The following SLC8A1 variants were observed in gnomAD, a reference collection of about 807,000 sequenced individuals.
SLC8A1 encodes the protein solute carrier family 8 member A1, also known as sodium/calcium exchanger 1.
Under a neutral mutation model 68.3 loss-of-function variants are expected in SLC8A1, and 18 were observed. That is an observed-to-expected ratio of 0.26 (90% CI 0.18 to 0.39). The LOEUF (loss-of-function observed/expected upper bound fraction) is 0.39. SLC8A1 is among the 10% of genes least tolerant of loss of function. The pLI, the probability that SLC8A1 is intolerant of heterozygous loss-of-function variation, is 1.00. For synonymous variants in SLC8A1, 475 were observed against 415.5 expected (o/e 1.14, Z -1.74); for missense variants, 985 against 1,156.7 (o/e 0.85, Z 2.15).
At chr2:40,156,206 T>A (rs72792721) in intron 6 of SLC8A1, among the ~76,000 whole-genome samples, 6,107 of 152,262 alleles carry the variant, frequency 0.04, 177 homozygotes, top group Middle Eastern at 0.096. Flanking sequence ...ATAATGGCCA[T>A]CGACAGAGCT....
At chr2:40,426,044 C>A (rs1032356697) in intron 2 of SLC8A1, among the ~76,000 whole-genome samples, 2 of 151,806 alleles carry the variant, frequency 1.3e-5, no homozygotes, top group East Asian at 3.9e-4. Context: ...AGGTTAAGTC[C>A]CAGCCAAACA....
chr2:40,292,392 C>T (rs2069493423), intron 2 of SLC8A1, among the ~76,000 whole-genome samples: 1 of 152,100 alleles, frequency 6.6e-6, no homozygotes, highest in Non-Finnish European at 1.5e-5. Context: ...GCCAAACAAA[C>T]AGGGACTCTC....
In SLC8A1 at chr2:40,140,691, T is replaced by G. The variant is rs528014021; in HGVS notation, c.2162-1015A>C. Among the ~76,000 whole-genome samples the G allele has an allele frequency of 4.8e-4, 73 of 152,380 alleles. 1 individual carries two copies. Among genetic ancestry groups the G allele is most frequent in the African/African-American group, 1.7e-3 (69 of 41,592 alleles). ...CTCTTCTCCAGTTGACTGAGAACCC[T>G]TCCAGGGCAGGAATTCATGCATCTT... On this transcript the variant is annotated intron_variant, in intron 6 of 7. Transcript: ENST00000406785.
At chr2:40,388,269 A>C (rs1684220275) in intron 2 of SLC8A1, among the ~76,000 whole-genome samples, 1 of 152,178 alleles carries the variant, frequency 6.6e-6, no homozygotes, top group African/African-American at 2.4e-5. Flanking sequence ...CCATTTGGAA[A>C]TGTTTTATGG....
chr2:40,164,166 C>CAGAGGGAG (rs2046157497), intron 5 of SLC8A1, among the ~76,000 whole-genome samples: 1 of 151,916 alleles, frequency 6.6e-6, no homozygotes, highest in Non-Finnish European at 1.5e-5. Flanking sequence ...TGGGAGGGGA[C>CAGAGGGAG]AGAGGGAGCA....
At chr2:40,439,118 G>A (rs1179711541) in intron 1 of SLC8A1, among the ~76,000 whole-genome samples, 1 of 151,990 alleles carries the variant, frequency 6.6e-6, no homozygotes, top group Non-Finnish European at 1.5e-5. Context: ...GAGGGCAGAG[G>A]AGGACAGATC....
intron 1 of SLC8A1, among the ~76,000 whole-genome samples, chr2:40,488,590 A>G (rs141834065): frequency 9.6e-4 from 146 of 152,186 alleles, no homozygotes; most frequent in Middle Eastern, 3.4e-3. Context: ...AACCAACTCC[A>G]TGTGTGTTTA....
intron 2 of SLC8A1, among the ~76,000 whole-genome samples, chr2:40,422,176 C>A (rs1348827975): frequency 2.0e-5 from 3 of 152,058 alleles, no homozygotes; most frequent in African/African-American, 7.2e-5. Context: ...GCCACCTGGC[C>A]CAGAGCCATT....
chr2:40,359,467 G>C (rs1419555376), intron 2 of SLC8A1, among the ~76,000 whole-genome samples: 2 of 152,124 alleles, frequency 1.3e-5, no homozygotes, highest in Non-Finnish European at 2.9e-5. Context: ...GAAGCATTGG[G>C]AGGCTTTACG....
intron 7 of SLC8A1, among the ~76,000 whole-genome samples, chr2:40,134,908 T>C (rs2040190782): frequency 6.6e-6 from 1 of 152,114 alleles, no homozygotes; most frequent in South Asian, 2.1e-4. Flanking sequence ...ATGTAATAAA[T>C]ATAGAAAATA....
chr2:40,136,943 A>G (rs1413647733), intron 7 of SLC8A1, among the ~76,000 whole-genome samples: 1 of 152,240 alleles, frequency 6.6e-6, no homozygotes, highest in African/African-American at 2.4e-5. Flanking sequence ...CAATAACAGC[A>G]CAAAGAAATC....
At chr2:40,215,592 G>C (rs1385108448) in intron 2 of SLC8A1, among the ~76,000 whole-genome samples, 1 of 144,214 alleles carries the variant, frequency 6.9e-6, no homozygotes, top group African/African-American at 2.6e-5. Context: ...AGCCGAGATT[G>C]TGCCACTGCA....
At chr2:40,122,616 T>C (rs943827259) in intron 7 of SLC8A1, among the ~76,000 whole-genome samples, 2 of 152,166 alleles carry the variant, frequency 1.3e-5, no homozygotes, top group Non-Finnish European at 2.9e-5. Context: ...TTCTGCTTAA[T>C]CGGCCTGAGA....
At chr2:40,231,767 C>T (rs2059677665) in intron 2 of SLC8A1, among the ~76,000 whole-genome samples, 1 of 152,102 alleles carries the variant, frequency 6.6e-6, no homozygotes, top group South Asian at 2.1e-4. Flanking sequence ...ACTAGCAACA[C>T]CCACATCAAT....
upstream of SLC8A1, among the ~76,000 whole-genome samples, chr2:40,452,739 C>T (rs533964897): frequency 7.3e-5 from 11 of 150,702 alleles, no homozygotes; most frequent in South Asian, 2.3e-3. Flanking sequence ...CTACTAGATG[C>T]TGACACAAGC....
At chr2:40,412,550 T>C (rs1692489475) in intron 2 of SLC8A1, among the ~76,000 whole-genome samples, 1 of 152,172 alleles carries the variant, frequency 6.6e-6, no homozygotes, top group South Asian at 2.1e-4. Context: ...ATGGAGGCAC[T>C]ACCTTAAGAG....
chr2:40,355,200 A>G (rs1672303077), intron 2 of SLC8A1, among the ~76,000 whole-genome samples: 1 of 152,168 alleles, frequency 6.6e-6, no homozygotes, highest in Non-Finnish European at 1.5e-5. Context: ...AGAGTCTGAT[A>G]CTGTGATAAT....
At chr2:40,506,397 A>C (rs1706372870) in intron 1 of SLC8A1, among the ~76,000 whole-genome samples, 1 of 151,982 alleles carries the variant, frequency 6.6e-6, no homozygotes, top group South Asian at 2.1e-4. Flanking sequence ...TGTGTTCCCC[A>C]AAAGAGCATG....
In SLC8A1 at chr2:40,426,008, G is replaced by C. The variant is rs574310079; in HGVS notation, c.1808+2465C>G. On this transcript the variant is annotated intron_variant, in intron 2 of 7. Coordinates refer to ENST00000406785, the Ensembl canonical transcript of SLC8A1. ...GATAATATGTTTTTCTAGAAACCTT[G>C]TGTTTGAATCTTGGTGCTTAATTTA... Among the ~76,000 whole-genome samples the C allele has an allele frequency of 3.3e-5, 5 of 152,024 alleles. No homozygotes were observed. The East Asian group carries it at 9.7e-4, about 29-fold the overall frequency.
Sources: allele counts gnomAD v4.1 joint callset (sites outside exome capture counted in the v4.1 genomes callset), GRCh38; gene constraint gnomAD v4.1.1; transcripts MANE v1.5; gene names NCBI Gene and HGNC (gene_info 2026-07-23, HGNC 2026-07-21).